Variants in TRIO observed in about 807,000 individuals in gnomAD.
TRIO encodes the protein trio Rho guanine nucleotide exchange factor.
A neutral mutation model predicts 351.9 loss-of-function variants in TRIO; 58 were observed. The observed-to-expected ratio is 0.16, with a 90% CI of 0.13 to 0.21. TRIO has a LOEUF of 0.21. Among genes scored for constraint, TRIO ranks in the 10% least tolerant of loss-of-function variants. The pLI is 1.00. For synonymous variants in TRIO, 1,758 were observed against 1,595.7 expected (o/e 1.10, Z -2.42); for missense variants, 3,201 against 4,027.8 (o/e 0.79, Z 5.56).
intron 11 of TRIO, among the ~76,000 whole-genome samples, chr5:14,356,478 G>A (rs1743619692): frequency 6.6e-6 from 1 of 152,222 alleles, no homozygotes; most frequent in Admixed American, 6.5e-5. Flanking sequence ...GACCACATCA[G>A]TTATTGGTGA....
chr5:14,484,426 A>G (rs540718029), intron 46 of TRIO, among the ~76,000 whole-genome samples: 12 of 152,314 alleles, frequency 7.9e-5, no homozygotes, highest in South Asian at 6.2e-4. Context: ...AGTTCAAACT[A>G]TTAGTTTAAC....
intron 28 of TRIO, among the ~76,000 whole-genome samples, chr5:14,396,371 G>T (rs371587088): frequency 1.8e-4 from 27 of 148,282 alleles, no homozygotes; most frequent in African/African-American, 6.6e-4. Flanking sequence ...CGCACAGTTG[G>T]ACCTGACATG....
intron 7 of TRIO, among the ~76,000 whole-genome samples, chr5:14,300,969 C>A (rs1737821653): frequency 6.6e-6 from 1 of 152,146 alleles, no homozygotes; most frequent in Non-Finnish European, 1.5e-5. Flanking sequence ...AGCTGAGGCT[C>A]CGTCAAGAGG....
At chr5:14,244,015 C>T (rs1236433027) in intron 1 of TRIO, among the ~76,000 whole-genome samples, 1 of 152,212 alleles carries the variant, frequency 6.6e-6, no homozygotes, top group Non-Finnish European at 1.5e-5. Context: ...GGCTGTGCAG[C>T]TCAGCCGCTG....
At chr5:14,189,144 G>A (rs944723163) in intron 1 of TRIO, among the ~76,000 whole-genome samples, 1 of 152,054 alleles carries the variant, frequency 6.6e-6, no homozygotes, top group Admixed American at 6.6e-5. Context: ...TTTAATATTT[G>A]AGCTTTAAAA....
intron 1 of TRIO, among the ~76,000 whole-genome samples, chr5:14,156,296 A>G (rs1206371512): frequency 1.3e-5 from 2 of 152,140 alleles, no homozygotes; most frequent in African/African-American, 4.8e-5. Flanking sequence ...CCTTGGAGAA[A>G]TGGTTCATTT....
At chr5:14,467,689 C>T (rs564329105) in intron 37 of TRIO, among the ~76,000 whole-genome samples, 7 of 152,068 alleles carry the variant, frequency 4.6e-5, no homozygotes, top group South Asian at 2.1e-4. Context: ...TAGCATGCAC[C>T]GGTAGTCCCA....
intron 1 of TRIO, among the ~76,000 whole-genome samples, chr5:14,200,018 A>G (rs1025189308): frequency 6.6e-6 from 1 of 152,214 alleles, no homozygotes; most frequent in African/African-American, 2.4e-5. Context: ...CTGGTTTTCT[A>G]GTGACTATAC....
intron 10 of TRIO, among the ~76,000 whole-genome samples, chr5:14,331,937 T>G (rs1009025718): frequency 5.3e-5 from 8 of 152,228 alleles, no homozygotes; most frequent in African/African-American, 1.4e-4. Context: ...ATACTTTTCA[T>G]GCGAAGCTTT....
At chr5:14,345,106 AT>A (rs1038064264) in intron 11 of TRIO, among the ~76,000 whole-genome samples, 4 of 151,984 alleles carry the variant, frequency 2.6e-5, no homozygotes, top group Non-Finnish European at 5.9e-5. Flanking sequence ...AAAACGCTAC[AT>A]TTTTTTTCTG....
chr5:14,454,377 T>G (rs767952488), intron 34 of TRIO, among the ~76,000 whole-genome samples: 6 of 152,060 alleles, frequency 3.9e-5, no homozygotes, highest in Non-Finnish European at 7.4e-5. Flanking sequence ...GAGAGATGAG[T>G]CGCTAGAAGG....
intron 56 of TRIO, 103 bp downstream of exon 56, chr5:14,507,363 C>T: frequency 1.1e-5 from 17 of 1,517,754 alleles, no homozygotes; most frequent in Non-Finnish European, 1.5e-5. Context: ...CCCCAAGTGA[C>T]TAGGGACAAA....
chr5:14,244,431 T>C (rs561242078), intron 1 of TRIO, among the ~76,000 whole-genome samples: 1 of 152,280 alleles, frequency 6.6e-6, no homozygotes, highest in African/African-American at 2.4e-5. Flanking sequence ...TTTGAGACTA[T>C]TAAAGATACT....
intron 1 of TRIO, among the ~76,000 whole-genome samples, chr5:14,233,524 C>T (rs1016132705): frequency 8.6e-5 from 13 of 151,626 alleles, no homozygotes; most frequent in Admixed American, 2.6e-4. Context: ...AACTGTCCTC[C>T]CTTCTCCTTT....
chr5:14,434,812 A>C (rs949108952), intron 34 of TRIO, among the ~76,000 whole-genome samples: 1 of 152,258 alleles, frequency 6.6e-6, no homozygotes, highest in African/African-American at 2.4e-5. Flanking sequence ...CCGACTTAAT[A>C]ATTTCCCCCA....
chr5:14,328,451 G>A (rs1740603620), intron 9 of TRIO, among the ~76,000 whole-genome samples: 1 of 151,896 alleles, frequency 6.6e-6, no homozygotes, highest in Non-Finnish European at 1.5e-5. Flanking sequence ...ACACTAGTTA[G>A]TGTGCTCAAT....
intron 53 of TRIO, among the ~76,000 whole-genome samples, chr5:14,502,101 G>A (rs73749287): frequency 1.2e-4 from 18 of 152,166 alleles, no homozygotes; most frequent in Admixed American, 1.2e-3. Context: ...AAATACTGTG[G>A]ACTCTTGATC....
rs1370373622 is a variant in TRIO, at chr5:14,377,955, G to A, written c.3332-57G>A. 70 of 1,300,790 alleles carry A rather than the reference G, an allele frequency of 5.4e-5. 1 individual carries two copies. In the East Asian group the frequency reaches 1.4e-3, roughly 25 times the overall value. The allele number at this position is 1,300,790 out of a possible 1,614,324, so 80.6% of individuals were successfully genotyped here. On this transcript the variant is annotated intron_variant, in intron 19 of 56. Transcript: ENST00000344204. ...TCTAAATAAAAATGAATGGAATTTC[G>A]CGGTTGTTTTAATTGATTGCAAGCA... is the stretch of plus-strand genomic sequence containing the variant.
At chr5:14,182,865 C>A (rs779762906) in intron 1 of TRIO, among the ~76,000 whole-genome samples, 5 of 61,848 alleles carry the variant, frequency 8.1e-5, no homozygotes, top group African/African-American at 1.1e-4. Flanking sequence ...AGTGGAGACC[C>A]CCCCCCCTCC....
Sources: allele counts gnomAD v4.1 joint callset (sites outside exome capture counted in the v4.1 genomes callset), GRCh38; gene constraint gnomAD v4.1.1; transcripts MANE v1.5; gene names NCBI Gene and HGNC (gene_info 2026-07-23, HGNC 2026-07-21).